DAB1: variants seen among roughly 807,000 people sequenced by gnomAD.
DAB1 encodes the protein disabled homolog 1.
In DAB1, 15 loss-of-function variants were observed where a neutral mutation model predicts 64.6. The ratio of observed to expected loss-of-function variants is 0.23; its 90% CI spans 0.16 to 0.36. The LOEUF is 0.36. Ranked by LOEUF, DAB1 falls within the 10% of genes least tolerant of loss-of-function variation. DAB1 has a pLI of 1.00. For synonymous variants in DAB1, 235 were observed against 251.9 expected (o/e 0.93, Z 0.64); for missense variants, 596 against 706.7 (o/e 0.84, Z 1.78).
At chr1:57,809,582 G>A (rs904540299) in intron 6 of DAB1, among the ~76,000 whole-genome samples, 6 of 152,090 alleles carry the variant, frequency 3.9e-5, no homozygotes, top group African/African-American at 9.7e-5. Flanking sequence ...TCGGTAATCC[G>A]AGAAACCTGT....
rs193065711 is a variant in DAB1, at chr1:58,347,258, C to T, written n.258-3855G>A. Among the ~76,000 whole-genome samples, 1,020 of 152,248 alleles carry T rather than the reference C, an allele frequency of 6.7e-3. 12 individuals are homozygous for T. The highest frequency in any genetic ancestry group is 8.0e-3 in the Non-Finnish European group (543 of 68,004). On this transcript the variant is annotated intron_variant and non_coding_transcript_variant, in intron 3 of 20. Coordinates refer to the DAB1 transcript ENST00000485760. ...AAGTAGCGTGCATTACAGGCATGTGCCACCATGTCCGGCTAATTTTTTTGT... is the reference window on the plus strand; with the variant it reads ...AAGTAGCGTGCATTACAGGCATGTGTCACCATGTCCGGCTAATTTTTTTGT...
intron 9 of DAB1, among the ~76,000 whole-genome samples, chr1:57,050,517 T>TACATTGCCATGCTTTTAA (rs1553133846): frequency 2.0e-5 from 3 of 152,224 alleles, no homozygotes; most frequent in African/African-American, 7.2e-5. Context: ...CAGGCTCTTC[T>TACATTGCCATGCTTTTAA]ACATTGCCAT....
Position 57,520,938 on chromosome 1 carries a change from G to T in DAB1, n.625+128654C>A, listed in dbSNP as rs546907057. Reference sequence around the variant, plus strand: ...CAAGCAGAAAAGACATTGGGAAGACGTGTGGCCATGAAAGGTAATGTCTTT... The same window carrying T: ...CAAGCAGAAAAGACATTGGGAAGACTTGTGGCCATGAAAGGTAATGTCTTT... On this transcript the variant is annotated intron_variant and non_coding_transcript_variant, in intron 7 of 20. Transcript: ENST00000485760. Among the ~76,000 whole-genome samples, 48 of 152,120 alleles carry T rather than the reference G, an allele frequency of 3.2e-4. No homozygotes were observed. In the South Asian group the frequency reaches 1.0e-2, roughly 32 times the overall value.
intron 1 of DAB1, among the ~76,000 whole-genome samples, chr1:57,294,812 C>T (rs1673055327): frequency 6.6e-6 from 1 of 152,132 alleles, no homozygotes; most frequent in Non-Finnish European, 1.5e-5. Flanking sequence ...ACTCGTCTCT[C>T]CAACTTCACT....
intron 7 of DAB1, among the ~76,000 whole-genome samples, chr1:57,549,659 A>G (rs1558483126): frequency 6.6e-6 from 1 of 152,218 alleles, no homozygotes; most frequent in South Asian, 2.1e-4. Context: ...AACTGAAGAC[A>G]TTAATACATC....
At chr1:57,913,982 T>C (rs1204291813) in intron 5 of DAB1, among the ~76,000 whole-genome samples, 1 of 152,096 alleles carries the variant, frequency 6.6e-6, no homozygotes, top group Non-Finnish European at 1.5e-5. Flanking sequence ...TAGGAACACT[T>C]TTACACTGTC....
chr1:57,462,180 C>T (rs1294852806), intron 7 of DAB1, among the ~76,000 whole-genome samples: 1 of 151,954 alleles, frequency 6.6e-6, no homozygotes, highest in East Asian at 1.9e-4. Flanking sequence ...AACTCCTGAC[C>T]TCAGGTGACC....
chr1:57,119,136 C>T (rs909712668), intron 4 of DAB1, among the ~76,000 whole-genome samples: 6 of 152,304 alleles, frequency 3.9e-5, no homozygotes, highest in African/African-American at 1.4e-4. Flanking sequence ...TGATTTGATT[C>T]TCTTCAACTA....
At chr1:58,421,385 C>T (rs558149783) in intron 3 of DAB1, among the ~76,000 whole-genome samples, 1 of 152,338 alleles carries the variant, frequency 6.6e-6, no homozygotes, top group South Asian at 2.1e-4. Context: ...CCATAAATAA[C>T]TCCTCAAAAG....
intron 6 of DAB1, among the ~76,000 whole-genome samples, chr1:57,657,180 A>T (rs1646328972): frequency 6.6e-6 from 1 of 152,158 alleles, no homozygotes; most frequent in Non-Finnish European, 1.5e-5. Context: ...CTTAATAATC[A>T]TCAACACATG....
intron 5 of DAB1, among the ~76,000 whole-genome samples, chr1:57,907,233 A>AG (rs1414455756): frequency 6.6e-6 from 1 of 152,194 alleles, no homozygotes; most frequent in African/African-American, 2.4e-5. Context: ...CACTACACCA[A>AG]GCACTCAGGC....
chr1:57,017,995 GC>G (rs1646490208), intron 11 of DAB1, among the ~76,000 whole-genome samples: 1 of 152,056 alleles, frequency 6.6e-6, no homozygotes. Flanking sequence ...CATTTAGGAG[GC>G]CCAAGCATTG....
At chr1:58,495,160 A>G (rs1645775438) in intron 3 of DAB1, among the ~76,000 whole-genome samples, 1 of 152,174 alleles carries the variant, frequency 6.6e-6, no homozygotes, top group South Asian at 2.1e-4. Flanking sequence ...TCAGCAAACT[A>G]TTGCAAGGAC....
At chr1:58,054,095 G>A (rs935004514) in intron 5 of DAB1, among the ~76,000 whole-genome samples, 4 of 152,208 alleles carry the variant, frequency 2.6e-5, no homozygotes, top group Non-Finnish European at 5.9e-5. Context: ...TGACTTCTTT[G>A]CATCACAATT....
intron 6 of DAB1, among the ~76,000 whole-genome samples, chr1:57,808,044 G>C (rs1228316933): frequency 6.6e-6 from 1 of 151,980 alleles, no homozygotes; most frequent in Non-Finnish European, 1.5e-5. Context: ...TAAAGTTTTG[G>C]GGGAGTCAAA....
intron 3 of DAB1, among the ~76,000 whole-genome samples, chr1:58,497,674 G>A (rs1038326164): frequency 6.6e-6 from 1 of 152,112 alleles, no homozygotes; most frequent in Admixed American, 6.6e-5. Context: ...TCTCTAATTT[G>A]CAAGTATGTC....
chr1:58,500,435 C>A (rs186089107), intron 3 of DAB1, among the ~76,000 whole-genome samples: 16 of 152,264 alleles, frequency 1.1e-4, no homozygotes, highest in African/African-American at 3.8e-4. Flanking sequence ...ATGATTTATT[C>A]ATTTACTTTG....
intron 7 of DAB1, among the ~76,000 whole-genome samples, chr1:57,557,219 T>A (rs1829987): frequency 0.95 from 144,551 of 152,130 alleles, 69,084 homozygotes; most frequent in East Asian, 1. Context: ...CAGGCAAAAA[T>A]ATGTGAAAAG....
At chr1:58,123,019 C>T (rs780631851) in intron 5 of DAB1, among the ~76,000 whole-genome samples, 12 of 152,148 alleles carry the variant, frequency 7.9e-5, no homozygotes, top group Non-Finnish European at 1.5e-4. Context: ...CTTCATTCTG[C>T]TTCCCTATAA....
Sources: gnomAD v4.1 joint callset for allele counts (sites outside exome capture counted in the v4.1 genomes callset) on GRCh38, gnomAD v4.1.1 for gene constraint, MANE v1.5 for transcripts, NCBI Gene and HGNC (gene_info 2026-07-23, HGNC 2026-07-21) for gene names.